The following PDE4D variants were observed in gnomAD, a reference collection of about 807,000 sequenced individuals.
PDE4D encodes phosphodiesterase 4D, also known as 3',5'-cyclic-AMP phosphodiesterase 4D.
Under a neutral mutation model 87.4 loss-of-function variants are expected in PDE4D, and 24 were observed. The ratio of observed to expected loss-of-function variants is 0.27; its 90% CI spans 0.20 to 0.39. PDE4D has a LOEUF of 0.39. PDE4D is among the 10% of genes least tolerant of loss of function. The pLI is 1.00. For synonymous variants in PDE4D, 384 were observed against 383.2 expected (o/e 1.00, Z -0.02); for missense variants, 714 against 1,041.0 (o/e 0.69, Z 4.32).
chr5:60,132,428 C>T (rs1779665777), intron 2 of PDE4D, among the ~76,000 whole-genome samples: 2 of 151,994 alleles, frequency 1.3e-5, no homozygotes, highest in African/African-American at 4.8e-5. Flanking sequence ...GGTTTTTGAA[C>T]TAATCTAGAC....
At chr5:59,275,705 T>A in intron 1 of PDE4D, 3 of 1,084,818 alleles carry the variant, frequency 2.8e-6, no homozygotes, top group Non-Finnish European at 3.4e-6. Flanking sequence ...ATTCTTCATC[T>A]GGGTCACAAG....
At chr5:58,981,976 G>A (rs1030605146) in intron 11 of PDE4D, among the ~76,000 whole-genome samples, 1 of 152,126 alleles carries the variant, frequency 6.6e-6, no homozygotes, top group South Asian at 2.1e-4. Context: ...GCCCTTCTTG[G>A]ATGATTGAAT....
intron 1 of PDE4D, among the ~76,000 whole-genome samples, chr5:59,677,132 T>C (rs1748226094): frequency 6.6e-6 from 1 of 152,142 alleles, no homozygotes; most frequent in African/African-American, 2.4e-5. Context: ...AGATCTTTTT[T>C]TTTAATCAGT....
At chr5:59,911,661 G>A (rs976016080) in intron 3 of PDE4D, among the ~76,000 whole-genome samples, 3 of 152,128 alleles carry the variant, frequency 2.0e-5, no homozygotes, top group African/African-American at 4.8e-5. Flanking sequence ...CAGGAGCATC[G>A]GTTGACTTAA....
At chr5:59,361,333 G>A (rs1175216387) in intron 1 of PDE4D, among the ~76,000 whole-genome samples, 5 of 152,110 alleles carry the variant, frequency 3.3e-5, no homozygotes, top group Non-Finnish European at 5.9e-5. Flanking sequence ...TGAAATCAAT[G>A]TAGACTAATC....
chr5:59,713,421 A>G (rs1195582340), intron 1 of PDE4D, among the ~76,000 whole-genome samples: 3 of 152,172 alleles, frequency 2.0e-5, no homozygotes, highest in Non-Finnish European at 2.9e-5. Context: ...TGTCTGTAAA[A>G]GGTATAACTA....
chr5:59,563,691 C>T (rs1820433198), intron 1 of PDE4D, among the ~76,000 whole-genome samples: 1 of 152,166 alleles, frequency 6.6e-6, no homozygotes, highest in Non-Finnish European at 1.5e-5. Flanking sequence ...ACAGCAAGTA[C>T]AGAGGAGAGC....
intron 5 of PDE4D, among the ~76,000 whole-genome samples, chr5:59,121,472 A>G (rs1774489881): frequency 6.6e-6 from 1 of 152,182 alleles, no homozygotes; most frequent in Admixed American, 6.5e-5. Flanking sequence ...TAATCAAGGA[A>G]ATGCAAATTG....
intron 3 of PDE4D, among the ~76,000 whole-genome samples, chr5:59,983,673 C>A (rs535048921): frequency 6.6e-6 from 1 of 152,154 alleles, no homozygotes; most frequent in East Asian, 1.9e-4. Context: ...ACACATTCAC[C>A]AGAATGACCA....
At chr5:59,944,528 C>T (rs1253937247) in intron 3 of PDE4D, among the ~76,000 whole-genome samples, 2 of 152,138 alleles carry the variant, frequency 1.3e-5, no homozygotes, top group African/African-American at 4.8e-5. Flanking sequence ...CCCACCACCA[C>T]GCCCGGCTAA....
intron 1 of PDE4D, among the ~76,000 whole-genome samples, chr5:60,269,355 A>G (rs546516332): frequency 1.3e-5 from 2 of 152,348 alleles, no homozygotes; most frequent in African/African-American, 4.8e-5. Context: ...TTGTATTTAT[A>G]TGGTATTAGG....
At chr5:60,473,821 C>T (rs892251196) in intron 1 of PDE4D, among the ~76,000 whole-genome samples, 1 of 151,778 alleles carries the variant, frequency 6.6e-6, no homozygotes, top group African/African-American at 2.4e-5. Flanking sequence ...GCACTCTACA[C>T]CCTCCCCACT....
chr5:60,211,197 T>C (rs1034027913), intron 1 of PDE4D, among the ~76,000 whole-genome samples: 1 of 152,140 alleles, frequency 6.6e-6, no homozygotes, highest in African/African-American at 2.4e-5. Flanking sequence ...CTAATACATT[T>C]CTCTGCACCC....
intron 5 of PDE4D, among the ~76,000 whole-genome samples, chr5:59,120,976 C>T (rs536504162): frequency 1.6e-4 from 25 of 152,226 alleles, no homozygotes; most frequent in African/African-American, 5.5e-4. Context: ...AAGGAGATCT[C>T]TTCAATAAAT....
At chr5:60,467,377 G>A (rs1448791869) in intron 1 of PDE4D, among the ~76,000 whole-genome samples, 3 of 152,128 alleles carry the variant, frequency 2.0e-5, no homozygotes, top group African/African-American at 7.2e-5. Flanking sequence ...CTTAAGACTT[G>A]AGAATTTTCC....
intron 1 of PDE4D, among the ~76,000 whole-genome samples, chr5:59,490,994 G>A (rs1307156727): frequency 6.6e-6 from 1 of 152,178 alleles, no homozygotes; most frequent in South Asian, 2.1e-4. Context: ...GAGTGAGATT[G>A]GCCAAGATTA....
chr5:59,944,734 C>T (rs915079906), intron 3 of PDE4D, among the ~76,000 whole-genome samples: 4 of 152,158 alleles, frequency 2.6e-5, no homozygotes, highest in Non-Finnish European at 5.9e-5. Flanking sequence ...TGAAGGTATC[C>T]TTCAGCACTA....
intron 1 of PDE4D, among the ~76,000 whole-genome samples, chr5:59,648,128 A>G (rs1276409485): frequency 1.3e-5 from 2 of 152,204 alleles, no homozygotes; most frequent in African/African-American, 4.8e-5. Flanking sequence ...AATAAATTTC[A>G]CTAAGAAGAA....
chr5:60,511,416 GTTACT>G (rs1214704460), intron 1 of PDE4D, among the ~76,000 whole-genome samples: 1 of 151,832 alleles, frequency 6.6e-6, no homozygotes, highest in Non-Finnish European at 1.5e-5. Context: ...AATAAAGTAA[GTTACT>G]TTAATTTATT....
Sources: allele counts gnomAD v4.1 joint callset (sites outside exome capture counted in the v4.1 genomes callset), GRCh38; gene constraint gnomAD v4.1.1; transcripts MANE v1.5; gene names NCBI Gene and HGNC (gene_info 2026-07-23, HGNC 2026-07-21).